Variants in METTL24 observed in about 807,000 individuals in gnomAD.
METTL24 encodes methyltransferase like 24, also known as probable methyltransferase-like protein 24.
Under a neutral mutation model 32.7 loss-of-function variants are expected in METTL24, and 29 were observed. The ratio of observed to expected loss-of-function variants is 0.89; its 90% CI spans 0.66 to 1.21. The LOEUF (loss-of-function observed/expected upper bound fraction) is 1.21, where lower values mean the gene tolerates loss of function less well. Among genes scored for constraint, METTL24 ranks in the 50% most tolerant of loss-of-function variants. The pLI, the probability that METTL24 is intolerant of heterozygous loss-of-function variation, is 0.00. For synonymous variants in METTL24, 163 were observed against 179.5 expected (o/e 0.91, Z 0.73); for missense variants, 439 against 468.1 (o/e 0.94, Z 0.57).
chr6:110,333,548 GA>G (rs1772149571), intron 1 of METTL24, among the ~76,000 whole-genome samples: 1 of 152,152 alleles, frequency 6.6e-6, no homozygotes, highest in African/African-American at 2.4e-5. Context: ...CTGCCTCCCA[GA>G]TTCAAGTGAT....
chr6:110,257,410 TAAATC>T (rs1035417809), intron 4 of METTL24, among the ~76,000 whole-genome samples: 2 of 152,230 alleles, frequency 1.3e-5, no homozygotes, highest in African/African-American at 2.4e-5. Flanking sequence ...TCATTAAAAT[TAAATC>T]AAATTAAAAT....
intron 1 of METTL24, among the ~76,000 whole-genome samples, chr6:110,336,293 AACCCAC>A (rs1772226058): frequency 6.6e-6 from 1 of 152,216 alleles, no homozygotes; most frequent in South Asian, 2.1e-4. Flanking sequence ...CATCCCTACC[AACCCAC>A]ACTGGCCATG....
intron 4 of METTL24, among the ~76,000 whole-genome samples, chr6:110,260,453 T>C (rs1778472700): frequency 6.6e-6 from 1 of 151,952 alleles, no homozygotes; most frequent in Non-Finnish European, 1.5e-5. Flanking sequence ...CTCCAAGAAA[T>C]ATGGGACTAT....
chr6:110,282,790 C>G (rs544194520), intron 4 of METTL24, among the ~76,000 whole-genome samples: 3 of 152,160 alleles, frequency 2.0e-5, no homozygotes, highest in African/African-American at 7.2e-5. Context: ...AACCTCAAAA[C>G]CAATACAAGT....
chr6:110,294,588 C>T (rs1771377176), intron 4 of METTL24, among the ~76,000 whole-genome samples: 2 of 152,042 alleles, frequency 1.3e-5, no homozygotes, highest in African/African-American at 4.8e-5. Flanking sequence ...ATTAAACACA[C>T]CTATTTAAAG....
chr6:110,344,813 A>C (rs1337054884), intron 1 of METTL24, among the ~76,000 whole-genome samples: 6 of 152,246 alleles, frequency 3.9e-5, no homozygotes. Context: ...TGTCAATCCT[A>C]TAACTATAAA....
chr6:110,279,527 T>A (rs146670036), intron 4 of METTL24, among the ~76,000 whole-genome samples: 2 of 152,180 alleles, frequency 1.3e-5, no homozygotes, highest in African/African-American at 2.4e-5. Flanking sequence ...AAACTGGAGA[T>A]AATCTATATA....
In METTL24 at chr6:110,315,607, AACTCCCCTCCCC is replaced by A. The variant is rs536353226; in HGVS notation, c.418-138_418-127del. ...AGTTATAATCTCCTCCACTGCTAAC[AACTCCCCTCCCC>A]AGGGAACCACAAGACTGCTATAAAG... On this transcript the variant is annotated intron_variant, in intron 2 of 4. Coordinates refer to ENST00000338882, the MANE Select transcript of METTL24 (RefSeq NM_001123364.3). The A allele has an allele frequency of 6.5e-4, 619 of 946,976 alleles. 8 individuals carry two copies. The South Asian group carries it at 9.6e-3, about 15-fold the overall frequency. The allele number at this position is 946,976 out of a possible 1,614,324, so 58.7% of individuals were successfully genotyped here.
At chr6:110,254,086 A>G (rs1285457670) in intron 4 of METTL24, 3 of 604,628 alleles carry the variant, frequency 5.0e-6, no homozygotes, top group African/African-American at 1.9e-5. Context: ...GCCTCTATCA[A>G]TAATTTATTC....
Position 110,246,074 on chromosome 6 carries a change from C to T in METTL24, c.973G>A (p.Glu325Lys). 1 of 1,614,126 alleles carries T rather than the reference C, an allele frequency of 6.2e-7. No homozygotes were observed. Residue 325 changes from glutamate to lysine, a missense_variant, in exon 5 of 5, where the codon GAA becomes AAA. Coordinates refer to ENST00000338882, the MANE Select transcript of METTL24 (RefSeq NM_001123364.3). ...RFWYSLLKEL[E>K]QKDFRLFHSY... Reference sequence around the variant, plus strand: ...TGAAAAAGCCTGAAATCCTTTTGTTCTAACTCTTTGAGAAGGCTGTACCAG... The same window carrying T: ...TGAAAAAGCCTGAAATCCTTTTGTTTTAACTCTTTGAGAAGGCTGTACCAG...
intron 1 of METTL24, among the ~76,000 whole-genome samples, chr6:110,349,007 G>C (rs1364374958): frequency 6.6e-6 from 1 of 152,178 alleles, no homozygotes; most frequent in Admixed American, 6.5e-5. Flanking sequence ...CTTCATTTTA[G>C]ATCTCGGTCC....
chr6:110,299,221 C>G, intron 3 of METTL24, 71 bp from the exon 4 acceptor site: 1 of 1,381,704 alleles, frequency 7.2e-7, no homozygotes, highest in Non-Finnish European at 1.0e-6. Flanking sequence ...AACAAGATGA[C>G]AGTTCCAAGG....
At position 110,302,745 on chromosome 6, in the gene METTL24, A is replaced by G. The variant is rs554203608; in HGVS notation, c.558-3595T>C. ...TAAATTAGCCACATACAATTCTGTA[A>G]CTGTTTAAGACACTTTATTATATAT... On this transcript the variant is annotated intron_variant, in intron 3 of 4. Transcript: ENST00000338882. Among the ~76,000 whole-genome samples the G allele has an allele frequency of 2.0e-5, 3 of 152,136 alleles. No individual in the cohort carries two copies. In the South Asian group the frequency reaches 6.2e-4, roughly 32 times the overall value.
Position 110,308,319 on chromosome 6 carries a change from C to A in METTL24, c.557+7023G>T, listed in dbSNP as rs1771660959. ...GGGTGGGTTGTGGCACTGTTTCAGG[C>A]CCTTGATTATTCTTTTAAAAATATT... On this transcript the variant is annotated intron_variant, in intron 3 of 4. Transcript: ENST00000338882. Among the ~76,000 whole-genome samples the A allele has an allele frequency of 3.9e-5, 6 of 152,142 alleles. No homozygotes were observed. In the South Asian group the frequency reaches 1.2e-3, roughly 32 times the overall value.
intron 1 of METTL24, among the ~76,000 whole-genome samples, chr6:110,348,897 T>C (rs1300635551): frequency 2.0e-5 from 3 of 152,240 alleles, no homozygotes; most frequent in African/African-American, 7.2e-5. Context: ...TCAACAAGAA[T>C]CATTGCATTT....
chr6:110,244,775 T>C lies in METTL24; in HGVS notation c.*1171A>G, dbSNP rs1001945387. Among the ~76,000 whole-genome samples the C allele has an allele frequency of 6.6e-6, 1 of 151,966 alleles. No individual in the cohort carries two copies. The highest frequency in any genetic ancestry group is 2.4e-5 in the African/African-American group (1 of 41,366). ...CTCACCAGGTCCCTCCCACAACACG[T>C]GGGGATTATGGGAACTACAATTCAA... On this transcript the variant is annotated 3_prime_UTR_variant, in exon 5 of 5. Coordinates refer to ENST00000338882, the MANE Select transcript of METTL24 (RefSeq NM_001123364.3).
At chr6:110,293,219 G>C (rs757436822) in intron 4 of METTL24, among the ~76,000 whole-genome samples, 1 of 151,964 alleles carries the variant, frequency 6.6e-6, no homozygotes, top group Non-Finnish European at 1.5e-5. Context: ...CATTTACATC[G>C]AAGCATGTAC....
Position 110,299,144 on chromosome 6 carries a change from TC to T in METTL24, c.563del (p.Gly188GlufsTer68). 1 of 1,613,320 alleles carries T rather than the reference TC, an allele frequency of 6.2e-7. No homozygotes were observed. The highest frequency in any genetic ancestry group is 8.5e-7 in the Non-Finnish European group (1 of 1,179,752). On this transcript the variant is annotated frameshift_variant, in exon 4 of 5. Transcript: ENST00000338882. LOFTEE classifies it high-confidence loss of function. Reference sequence around the variant, plus strand: ...TAACCTCAAAATGGGTATCATCACTTCCTAGCCTATAAAGAAAGAGGACGGA... The same window carrying T: ...TAACCTCAAAATGGGTATCATCACTTCTAGCCTATAAAGAAAGAGGACGGA... Reference protein sequence around the residue: ...KQCRLYSLGLGSDDTHFEVSM... With the variant: ...KQCRLYSLGLXSDDTHFEVSM...
intron 3 of METTL24, among the ~76,000 whole-genome samples, chr6:110,305,269 A>G (rs1771606629): frequency 6.6e-6 from 1 of 152,184 alleles, no homozygotes; most frequent in Non-Finnish European, 1.5e-5. Context: ...AGGCATGGGC[A>G]AAGCCTTCAT....
Sources: gnomAD v4.1 joint callset for allele counts (sites outside exome capture counted in the v4.1 genomes callset) on GRCh38, gnomAD v4.1.1 for gene constraint, MANE v1.5 for transcripts, NCBI Gene and HGNC (gene_info 2026-07-23, HGNC 2026-07-21) for gene names.